TLE4: variants seen among roughly 807,000 people sequenced by gnomAD.
TLE4 encodes the protein transducin-like enhancer protein 4.
In TLE4, 8 loss-of-function variants were observed where a neutral mutation model predicts 92.8. The ratio of observed to expected loss-of-function variants is 0.09; its 90% CI spans 0.05 to 0.16. The LOEUF is 0.16. Ranked by LOEUF, TLE4 falls within the 10% of genes least tolerant of loss-of-function variation. The pLI is 1.00. For synonymous variants in TLE4, 371 were observed against 374.1 expected (o/e 0.99, Z 0.10); for missense variants, 675 against 997.6 (o/e 0.68, Z 4.36).
intron 5 of TLE4, among the ~76,000 whole-genome samples, chr9:79,613,162 A>T (rs1467261361): frequency 1.3e-5 from 2 of 152,138 alleles, no homozygotes; most frequent in African/African-American, 2.4e-5. Flanking sequence ...TTGGCTAGCT[A>T]CTTTTAAACA....
At chr9:79,580,539 T>G (rs1261660554) in intron 4 of TLE4, among the ~76,000 whole-genome samples, 1 of 152,164 alleles carries the variant, frequency 6.6e-6, no homozygotes, top group Non-Finnish European at 1.5e-5. Flanking sequence ...GCTATGAAGT[T>G]TGTTGAAAGT....
intron 5 of TLE4, 99 bp downstream of exon 5, chr9:79,612,817 TTGG>T: frequency 1.0e-6 from 1 of 979,740 alleles, no homozygotes; most frequent in South Asian, 1.4e-5. Flanking sequence ...TGCCAGTCTC[TTGG>T]TGTTTGTATT....
chr9:79,574,793 T>G, intron 2 of TLE4, 80 bp from the exon 3 acceptor site: 5 of 1,173,932 alleles, frequency 4.3e-6, no homozygotes, highest in Non-Finnish European at 6.3e-6. Context: ...TGTTTGTAGG[T>G]GAGATTTAGA....
At position 79,704,817 on chromosome 9, in the gene TLE4, G is replaced by T. The variant is rs2071047362; in HGVS notation, c.644G>T (p.Gly215Val). The part of the protein sequence containing the change: ...SSVSPSASFR[G>V]AEKHRNSADY... The stretch of plus-strand genomic sequence containing the variant: ...GTATCCCCATCAGCCAGTTTCCGAG[G>T]TGCTGAGAAGCACAGAAACTCCGCA... Residue 215 changes from glycine to valine, a missense_variant, in exon 9 of 20, where the codon GGT (glycine) becomes GTT (valine). By Grantham distance (109) the Gly-to-Val change is moderately radical (BLOSUM62 -3). Around this residue, in one of 5 missense-constraint regions of TLE4, gnomAD observed 280 missense variants for 287.3 expected, o/e 0.97. Coordinates refer to ENST00000376552, the MANE Select transcript of TLE4 (RefSeq NM_007005.6). 1.9e-6 allele frequency: 3 copies of T among 1,613,964 alleles called. No homozygotes were observed. The highest frequency in any genetic ancestry group is 2.5e-6 in the Non-Finnish European group (3 of 1,180,022).
intron 8 of TLE4, among the ~76,000 whole-genome samples, chr9:79,695,156 A>G (rs1336348285): frequency 6.6e-6 from 1 of 152,172 alleles, no homozygotes; most frequent in Non-Finnish European, 1.5e-5. Context: ...ATGCCCACCC[A>G]GTGGCCAGGA....
chr9:79,571,981 G>T lies in TLE4; in HGVS notation c.-810G>T, dbSNP rs1025247860. On this transcript the variant is annotated 5_prime_UTR_variant, in exon 1 of 20. Coordinates refer to ENST00000376552, the MANE Select transcript of TLE4 (RefSeq NM_007005.6). ...CACCTACACAGAGCGTGTTGTTAGA[G>T]CTGTGCTGAGCGGGTGTTTGGGTTG... The T allele has an allele frequency of 2.6e-5, 4 of 152,362 alleles. No homozygotes were observed. The East Asian group carries it at 5.8e-4, about 22-fold the overall frequency. The allele number at this position is 152,362 out of a possible 1,614,324, so 9.4% of individuals were successfully genotyped here.
chr9:79,629,184 A>G (rs924986931), intron 6 of TLE4, among the ~76,000 whole-genome samples: 1 of 152,262 alleles, frequency 6.6e-6, no homozygotes, highest in Non-Finnish European at 1.5e-5. Flanking sequence ...AGCCTTTTCT[A>G]GGAAAACAGA....
At chr9:79,580,925 A>G (rs981445128) in intron 4 of TLE4, among the ~76,000 whole-genome samples, 1 of 152,212 alleles carries the variant, frequency 6.6e-6, no homozygotes, top group Non-Finnish European at 1.5e-5. Flanking sequence ...CTTAAAGATG[A>G]CAAGTGAAAT....
chr9:79,623,769 G>A (rs1430921792), intron 5 of TLE4, among the ~76,000 whole-genome samples: 3 of 150,410 alleles, frequency 2.0e-5, no homozygotes, highest in African/African-American at 7.3e-5. Flanking sequence ...AAATAATTGG[G>A]CATTTGTTTT....
chr9:79,722,732 A>T (rs2075835464), intron 18 of TLE4, 131 bp downstream of exon 18: 1 of 1,173,192 alleles, frequency 8.5e-7, no homozygotes, highest in African/African-American at 1.5e-5. Flanking sequence ...ACTTCCTGAT[A>T]CATGCCTGCT....
chr9:79,652,967 A>G (rs2059255552), intron 7 of TLE4, 173 bp downstream of exon 7: 1 of 804,690 alleles, frequency 1.2e-6, no homozygotes, highest in Admixed American at 1.7e-5. Flanking sequence ...ATGATATTCT[A>G]GTGGTTGGCA....
At chr9:79,589,138 ACT>A (rs2041931496) in intron 4 of TLE4, among the ~76,000 whole-genome samples, 1 of 152,010 alleles carries the variant, frequency 6.6e-6, no homozygotes, top group South Asian at 2.1e-4. Flanking sequence ...ACACTCAGAA[ACT>A]CTGCTCCAGA....
At chr9:79,691,864 AT>A (rs1203179077) in intron 8 of TLE4, among the ~76,000 whole-genome samples, 1 of 152,038 alleles carries the variant, frequency 6.6e-6, no homozygotes, top group Non-Finnish European at 1.5e-5. Flanking sequence ...CATTTATTTT[AT>A]TTTTTATTAA....
Position 79,652,634 on chromosome 9 carries a change from C to T in TLE4, c.432C>T (p.Leu144=), listed in dbSNP as rs1045603633. 6.2e-7 allele frequency: 1 copy of T among 1,614,208 alleles called. No individual in the cohort carries two copies. Among genetic ancestry groups the T allele is most frequent in the Non-Finnish European group, 8.5e-7 (1 of 1,180,032 alleles). The change falls in exon 7 of 20, where the codon CTC becomes CTT. Residue 144 remains leucine, a synonymous_variant. Coordinates refer to ENST00000376552, the MANE Select transcript of TLE4 (RefSeq NM_007005.6). The part of the protein sequence containing the change: ...QAQHLSHGHG[L]PVPLTPHPSG... ...AGCATTTATCACATGGACATGGTCT[C>T]CCCGTACCTCTGACTCCACACCCTT...
intron 8 of TLE4, among the ~76,000 whole-genome samples, chr9:79,659,913 A>G (rs932420894): frequency 1.3e-5 from 2 of 152,262 alleles, no homozygotes; most frequent in African/African-American, 2.4e-5. Flanking sequence ...GTTAAAGAAT[A>G]GAAATAGAAC....
intron 4 of TLE4, among the ~76,000 whole-genome samples, chr9:79,610,098 C>T (rs2048025244): frequency 6.6e-6 from 1 of 152,034 alleles, no homozygotes; most frequent in Non-Finnish European, 1.5e-5. Flanking sequence ...CTGCTCCTTA[C>T]CCTAAAGCTG....
chr9:79,662,881 A>G (rs916542651), intron 8 of TLE4, among the ~76,000 whole-genome samples: 6 of 152,074 alleles, frequency 3.9e-5, no homozygotes, highest in African/African-American at 1.2e-4. Flanking sequence ...TGTTGCTTCT[A>G]TTGATCTATT....
intron 6 of TLE4, among the ~76,000 whole-genome samples, chr9:79,642,525 A>G (rs1457126084): frequency 3.9e-5 from 6 of 152,118 alleles, no homozygotes; most frequent in Admixed American, 1.3e-4. Context: ...CTTACAAAAT[A>G]GAACCATTGG....
chr9:79,714,863 T>G (rs2074153737), intron 14 of TLE4, among the ~76,000 whole-genome samples: 1 of 152,216 alleles, frequency 6.6e-6, no homozygotes, highest in African/African-American at 2.4e-5. Flanking sequence ...TTTCTCTGAT[T>G]CCTAGCAATG....
Sources: allele counts gnomAD v4.1 joint callset (sites outside exome capture counted in the v4.1 genomes callset), GRCh38; gene constraint gnomAD v4.1.1; regional missense constraint gnomAD v4.1.1; transcripts MANE v1.5; gene names NCBI Gene and HGNC (gene_info 2026-07-23, HGNC 2026-07-21).